TGFA: variants seen among roughly 807,000 people sequenced by gnomAD.
TGFA encodes transforming growth factor alpha.
In TGFA, 12 loss-of-function variants were observed where a neutral mutation model predicts 21.7. That is an observed-to-expected ratio of 0.55 (90% CI 0.35 to 0.90). The LOEUF (loss-of-function observed/expected upper bound fraction) is 0.90, where lower values mean the gene tolerates loss of function less well. Ranked by LOEUF, TGFA falls within the 40% of genes least tolerant of loss-of-function variation. TGFA has a pLI of 0.01. For synonymous variants in TGFA, 79 were observed against 88.1 expected (o/e 0.90, Z 0.58); for missense variants, 178 against 210.8 (o/e 0.84, Z 0.96).
intron 1 of TGFA, among the ~76,000 whole-genome samples, chr2:70,543,830 T>C (rs879979895): frequency 7.2e-5 from 11 of 152,220 alleles, no homozygotes; most frequent in Non-Finnish European, 1.5e-4. Flanking sequence ...CTTTAAAATT[T>C]ATTTTATAAA....
intron 2 of TGFA, among the ~76,000 whole-genome samples, chr2:70,503,663 T>C (rs1381184313): frequency 6.6e-6 from 1 of 152,144 alleles, no homozygotes; most frequent in Non-Finnish European, 1.5e-5. Flanking sequence ...ATCTGGCTCC[T>C]GACTTTAACC....
chr2:70,509,236 A>G (rs886465726), intron 2 of TGFA, among the ~76,000 whole-genome samples: 1 of 152,228 alleles, frequency 6.6e-6, no homozygotes, highest in Non-Finnish European at 1.5e-5. Flanking sequence ...GGAAAACTCT[A>G]GACAATGGAA....
At chr2:70,494,775 C>T (rs1039137623) in intron 2 of TGFA, among the ~76,000 whole-genome samples, 4 of 152,036 alleles carry the variant, frequency 2.6e-5, no homozygotes, top group Non-Finnish European at 5.9e-5. Context: ...TGTAGTTTTT[C>T]TTTTGTGACT....
chr2:70,526,659 A>C (rs1453678589), intron 1 of TGFA, among the ~76,000 whole-genome samples: 3 of 152,192 alleles, frequency 2.0e-5, no homozygotes, highest in Admixed American at 6.5e-5. Context: ...GAGAAAATGC[A>C]ATAGCTCTGC....
intron 1 of TGFA, among the ~76,000 whole-genome samples, chr2:70,543,909 A>G (rs1673211381): frequency 6.6e-6 from 1 of 152,244 alleles, no homozygotes; most frequent in Admixed American, 6.5e-5. Flanking sequence ...AATGGAGCAG[A>G]TCTAGCAGTT....
At chr2:70,517,196 T>A (rs1574124462) in intron 1 of TGFA, among the ~76,000 whole-genome samples, 1 of 152,238 alleles carries the variant, frequency 6.6e-6, no homozygotes, top group Non-Finnish European at 1.5e-5. Context: ...AACCACGATG[T>A]TCCACAGATG....
chr2:70,496,728 T>C (rs372364161), intron 2 of TGFA, among the ~76,000 whole-genome samples: 69 of 152,264 alleles, frequency 4.5e-4, no homozygotes, highest in Non-Finnish European at 8.1e-4. Context: ...CCTTCATTCA[T>C]TTACTCACTC....
chr2:70,462,923 G>A (rs1022870501), intron 3 of TGFA, among the ~76,000 whole-genome samples: 1 of 152,182 alleles, frequency 6.6e-6, no homozygotes, highest in African/African-American at 2.4e-5. Context: ...TGTGGTCAGG[G>A]AACTGGGCTT....
At chr2:70,452,689 C>T (rs1309260938) in intron 5 of TGFA, among the ~76,000 whole-genome samples, 1 of 152,142 alleles carries the variant, frequency 6.6e-6, no homozygotes, top group Non-Finnish European at 1.5e-5. Flanking sequence ...TGCCTGTAAT[C>T]CCAGCACTTT....
chr2:70,482,234 G>A (rs762501053), intron 2 of TGFA, among the ~76,000 whole-genome samples: 4 of 151,918 alleles, frequency 2.6e-5, no homozygotes, highest in East Asian at 1.9e-4. Flanking sequence ...AGTTTTATAC[G>A]TACTACCTAA....
chr2:70,504,455 TATATATATACACAC>T (rs1389793456), intron 2 of TGFA, among the ~76,000 whole-genome samples: 3 of 73,956 alleles, frequency 4.1e-5, no homozygotes, highest in African/African-American at 1.0e-4. Context: ...TATATATATA[TATATATATACACAC>T]ATACATACAT....
chr2:70,493,016 C>G (rs1369759262), intron 2 of TGFA, among the ~76,000 whole-genome samples: 1 of 152,114 alleles, frequency 6.6e-6, no homozygotes, highest in Non-Finnish European at 1.5e-5. Flanking sequence ...GGCTCATATA[C>G]AAATATGAAA....
intron 1 of TGFA, among the ~76,000 whole-genome samples, chr2:70,537,423 T>C (rs1673006086): frequency 6.6e-6 from 1 of 152,238 alleles, no homozygotes; most frequent in South Asian, 2.1e-4. Context: ...GAAGTCTGCA[T>C]GTTGTAAGCA....
At chr2:70,551,143 C>T (rs1282351837) in intron 1 of TGFA, among the ~76,000 whole-genome samples, 2 of 152,166 alleles carry the variant, frequency 1.3e-5, no homozygotes, top group African/African-American at 4.8e-5. Context: ...TAAATATATT[C>T]AACAACCCTA....
At chr2:70,499,496 AC>A (rs1671674955) in intron 2 of TGFA, among the ~76,000 whole-genome samples, 1 of 152,198 alleles carries the variant, frequency 6.6e-6, no homozygotes, top group South Asian at 2.1e-4. Context: ...TCCTGACTGA[AC>A]CTTTTAGTCT....
At chr2:70,547,244 T>C (rs1273133033) in intron 1 of TGFA, among the ~76,000 whole-genome samples, 12 of 152,146 alleles carry the variant, frequency 7.9e-5, no homozygotes, top group Non-Finnish European at 1.6e-4. Flanking sequence ...ATAAATGTAG[T>C]CAAGGGAGTA....
At chr2:70,553,209 G>T in intron 1 of TGFA, 1 of 1,536,184 alleles carries the variant, frequency 6.5e-7, no homozygotes. Context: ...GCTCTGAAAA[G>T]AGATCGAGGG....
intron 5 of TGFA, among the ~76,000 whole-genome samples, chr2:70,451,506 G>A (rs1280817827): frequency 3.3e-5 from 5 of 152,090 alleles, no homozygotes; most frequent in Non-Finnish European, 7.4e-5. Context: ...TGAGGGAGAG[G>A]GACTTCAGCC....
At chr2:70,507,308 T>C (rs781970099) in intron 2 of TGFA, among the ~76,000 whole-genome samples, 1 of 152,260 alleles carries the variant, frequency 6.6e-6, no homozygotes, top group Non-Finnish European at 1.5e-5. Flanking sequence ...ACAATGCAAA[T>C]GAAATTCACA....
Sources: gnomAD v4.1 joint callset for allele counts (sites outside exome capture counted in the v4.1 genomes callset) on GRCh38, gnomAD v4.1.1 for gene constraint, MANE v1.5 for transcripts, NCBI Gene and HGNC (gene_info 2026-07-23, HGNC 2026-07-21) for gene names.